The following SMOC2 variants were observed in gnomAD, a reference collection of about 807,000 sequenced individuals.
SMOC2 encodes the protein SPARC-related modular calcium-binding protein 2.
SMOC2 carries 39 observed loss-of-function variants against 61.4 expected under a neutral mutation model. The ratio of observed to expected loss-of-function variants is 0.64; its 90% CI spans 0.49 to 0.83. The LOEUF (loss-of-function observed/expected upper bound fraction) is 0.83, where lower values mean the gene tolerates loss of function less well. Among genes scored for constraint, SMOC2 ranks in the 40% least tolerant of loss-of-function variants. SMOC2 has a pLI of 0.00. For synonymous variants in SMOC2, 247 were observed against 239.9 expected, an observed-to-expected ratio of 1.03 and a Z score of -0.27; for missense variants, 556 against 592.9, an observed-to-expected ratio of 0.94 and a Z score of 0.65.
At chr6:168,643,039 C>G (rs1464456149) in intron 9 of SMOC2, among the ~76,000 whole-genome samples, 1 of 152,180 alleles carries the variant, frequency 6.6e-6, no homozygotes, top group East Asian at 1.9e-4. Context: ...TCCAGAGGCT[C>G]TATTTGGCCC....
chr6:168,559,715 C>T (rs1180566200), intron 7 of SMOC2, among the ~76,000 whole-genome samples: 1 of 152,134 alleles, frequency 6.6e-6, no homozygotes, highest in African/African-American at 2.4e-5. Context: ...GCACCTTGTT[C>T]TATCAACAGC....
At chr6:168,555,636 T>G (rs2115115287) in intron 7 of SMOC2, among the ~76,000 whole-genome samples, 1 of 152,320 alleles carries the variant, frequency 6.6e-6, no homozygotes, top group East Asian at 1.9e-4. Flanking sequence ...TCATGCCTCT[T>G]GCGGGATTTG....
Position 168,484,562 on chromosome 6 carries a change from A to G in SMOC2, c.85-25353A>G, listed in dbSNP as rs530379861. 3.9e-5 allele frequency among the ~76,000 whole-genome samples: 6 copies of G among 152,358 alleles called. No individual in the cohort carries two copies. In the South Asian group the frequency reaches 1.0e-3, roughly 26 times the overall value. On this transcript the variant is annotated intron_variant, in intron 1 of 12. Transcript: ENST00000356284. Reference sequence around the variant, plus strand: ...CTCTCAAAGAATTAGAAATAGGATTACTGTATGATCCAGCAATTCCACTTC... The same window carrying G: ...CTCTCAAAGAATTAGAAATAGGATTGCTGTATGATCCAGCAATTCCACTTC...
chr6:168,581,266 T>C (rs1449702769), intron 7 of SMOC2, among the ~76,000 whole-genome samples: 1 of 152,068 alleles, frequency 6.6e-6, no homozygotes, highest in Non-Finnish European at 1.5e-5. Context: ...GAAATTTCCA[T>C]GACTGCTGAA....
intron 11 of SMOC2, among the ~76,000 whole-genome samples, chr6:168,663,369 G>A (rs1401015479): frequency 6.6e-6 from 1 of 152,138 alleles, no homozygotes; most frequent in South Asian, 2.1e-4. Flanking sequence ...AGCCAAACAC[G>A]TTCATCTCTC....
intron 1 of SMOC2, among the ~76,000 whole-genome samples, chr6:168,468,597 C>T (rs964971039): frequency 4.6e-5 from 7 of 152,216 alleles, no homozygotes; most frequent in South Asian, 2.1e-4. Flanking sequence ...TGCAGTGGCA[C>T]GAACTCTGCA....
chr6:168,568,140 G>A (rs1199136202), intron 7 of SMOC2, among the ~76,000 whole-genome samples: 1 of 151,472 alleles, frequency 6.6e-6, no homozygotes, highest in African/African-American at 2.4e-5. Context: ...AAGACCGGAT[G>A]GTGTGAGTCG....
In SMOC2 at chr6:168,466,287, G is replaced by A. The variant is rs1781830965; in HGVS notation, c.84+24833G>A. Among the ~76,000 whole-genome samples the A allele has an allele frequency of 2.0e-5, 3 of 150,588 alleles. 1 individual carries two copies. The South Asian group carries it at 6.3e-4, about 32-fold the overall frequency. On this transcript the variant is annotated intron_variant, in intron 1 of 12. Coordinates refer to ENST00000356284, the MANE Select transcript of SMOC2 (RefSeq NM_001166412.2). ...CTGCTCTGAGAGCTGGAACTGGGGG[G>A]CTCTGAGTGGAAGCACTGCTTTGAA...
At chr6:168,665,772 C>G (rs985633519) in intron 12 of SMOC2, among the ~76,000 whole-genome samples, 9 of 152,130 alleles carry the variant, frequency 5.9e-5, no homozygotes, top group Admixed American at 3.3e-4. Context: ...AGATCTTTAT[C>G]AAGGGGGAAT....
chr6:168,638,843 C>T (rs1786816504), intron 9 of SMOC2, among the ~76,000 whole-genome samples: 1 of 152,150 alleles, frequency 6.6e-6, no homozygotes, highest in Non-Finnish European at 1.5e-5. Context: ...GAAAAGAATT[C>T]ATAGTTAGAC....
At position 168,466,726 on chromosome 6, in the gene SMOC2, A is replaced by T. The variant is rs1032671112; in HGVS notation, c.84+25272A>T. Among the ~76,000 whole-genome samples, 4 of 152,254 alleles carry T rather than the reference A, an allele frequency of 2.6e-5. No individual in the cohort carries two copies. The East Asian group carries it at 7.7e-4, about 29-fold the overall frequency. On this transcript the variant is annotated intron_variant, in intron 1 of 12. Transcript: ENST00000356284. ...CAGCTCCACGAAGGGTGCACCTGCA[A>T]CATGTTTATTTCCATGTCGGCCAAG...
At chr6:168,565,319 G>T (rs1191983983) in intron 7 of SMOC2, among the ~76,000 whole-genome samples, 1 of 152,222 alleles carries the variant, frequency 6.6e-6, no homozygotes, top group Non-Finnish European at 1.5e-5. Flanking sequence ...GTCCAGGCCC[G>T]AGGTGCTGGC....
At chr6:168,646,938 A>G (rs1284798171) in intron 9 of SMOC2, among the ~76,000 whole-genome samples, 1 of 152,208 alleles carries the variant, frequency 6.6e-6, no homozygotes, top group Non-Finnish European at 1.5e-5. Context: ...AAATTGGTGA[A>G]CTTATTCTGT....
rs750178882 is a variant in SMOC2, at chr6:168,664,384, C to CTTTTTTTTTTT, written c.1323+295_1323+305dup. ...TTCTGAGTTTCCTTGTTTGGTAGAT[C>CTTTTTTTTTTT]TTTTTTTTTTTTTTTTTTTTTTTTT... On this transcript the variant is annotated intron_variant, in intron 12 of 12. Coordinates refer to ENST00000356284, the MANE Select transcript of SMOC2 (RefSeq NM_001166412.2). The CTTTTTTTTTTT allele has an allele frequency of 7.0e-5, 23 of 330,354 alleles. No individual in the cohort carries two copies. The African/African-American group carries it at 8.9e-4, about 13-fold the overall frequency. 20.5% of individuals were successfully genotyped at this position (330,354 alleles called of 1,614,324 possible). A position where few individuals can be genotyped will look rare whatever the true frequency, so the allele number is the denominator to read the frequency against.
At chr6:168,610,565 T>G (rs55667100) in intron 9 of SMOC2, among the ~76,000 whole-genome samples, 26,525 of 152,214 alleles carry the variant, frequency 0.17, 2,465 homozygotes, top group Middle Eastern at 0.31. Flanking sequence ...AGGTACCGTT[T>G]CCTTTTGAAG....
chr6:168,658,428 C>T (rs16887249), intron 11 of SMOC2, among the ~76,000 whole-genome samples: 5,191 of 151,372 alleles, frequency 0.034, 174 homozygotes, highest in East Asian at 0.21. Flanking sequence ...TCTTCCATTC[C>T]TGGGTGGTGC....
At chr6:168,615,095 ACACC>A in intron 9 of SMOC2, among the ~76,000 whole-genome samples, 1 of 86,476 alleles carries the variant, frequency 1.2e-5, no homozygotes. Context: ...GGGCCTCTTC[ACACC>A]TACAGCCAGC....
At chr6:168,570,341 G>T (rs1396982559) in intron 7 of SMOC2, among the ~76,000 whole-genome samples, 3 of 152,246 alleles carry the variant, frequency 2.0e-5, no homozygotes, top group African/African-American at 7.2e-5. Flanking sequence ...GGAGCAACCA[G>T]AGGAGCCTTG....
rs77475658 is a variant in SMOC2, at chr6:168,475,815, G to A, written c.85-34100G>A. Among the ~76,000 whole-genome samples the A allele has an allele frequency of 0.037, 5,644 of 152,154 alleles. 182 individuals are homozygous for A. The highest frequency in any genetic ancestry group is 0.13 in the South Asian group (642 of 4,822). On this transcript the variant is annotated intron_variant, in intron 1 of 12. Transcript: ENST00000356284. This position sits in a 1 kb window ranked among gnomAD's most constrained non-coding sequence, Gnocchi z 4.6. ...TCTCCGGAGCCAGTGGGTGGGAGCC[G>A]CAGGGCTGGGCAGTGGGCACAGGTG...
Sources: allele counts gnomAD v4.1 joint callset (sites outside exome capture counted in the v4.1 genomes callset), GRCh38; gene constraint gnomAD v4.1.1; non-coding constraint Gnocchi (gnomAD v3.1); transcripts MANE v1.5; gene names NCBI Gene and HGNC (gene_info 2026-07-23, HGNC 2026-07-21).